Variants in NOTCH4 observed in about 807,000 individuals in gnomAD.
NOTCH4 encodes neurogenic locus notch homolog protein 4.
A neutral mutation model predicts 189.0 loss-of-function variants in NOTCH4; 138 were observed. The ratio of observed to expected loss-of-function variants is 0.73; its 90% CI spans 0.64 to 0.84. NOTCH4 has a LOEUF of 0.84. Among genes scored for constraint, NOTCH4 ranks in the 40% least tolerant of loss-of-function variants. NOTCH4 has a pLI of 0.00. For synonymous variants in NOTCH4, 942 were observed against 1,032.8 expected (o/e 0.91, Z 1.69); for missense variants, 2,286 against 2,605.4 (o/e 0.88, Z 2.67).
chr6:32,202,682 G>T lies in NOTCH4; in HGVS notation c.3232-83C>A. ...ATCAAGCAAACTCTTGGGTTAAGAC[G>T]GTGCAGAGGGTCCTAGATTCTCATA... On this transcript the variant is annotated intron_variant, in intron 20 of 29. Coordinates refer to ENST00000375023, the MANE Select transcript of NOTCH4 (RefSeq NM_004557.4). This position sits in a 1 kb window ranked among gnomAD's most constrained non-coding sequence, Gnocchi z 5.7. 7.7e-7 allele frequency: 1 copy of T among 1,292,676 alleles called. No individual in the cohort carries two copies. Among genetic ancestry groups the T allele is most frequent in the Non-Finnish European group, 1.0e-6 (1 of 970,378 alleles). 80.1% of individuals were successfully genotyped at this position (1,292,676 alleles called of 1,614,324 possible).
chr6:32,213,174 G>A lies in NOTCH4; in HGVS notation c.2399C>T (p.Pro800Leu), dbSNP rs978741176. 2.5e-6 allele frequency: 4 copies of A among 1,613,878 alleles called. No individual in the cohort carries two copies. The highest frequency in any genetic ancestry group is 1.7e-5 in the Admixed American group (1 of 59,986). ...SCLCAMGFQG[P>L]RCEGKLRPSC... ...GGGGCGGAGCTTTCCCTCACAGCGC[G>A]GGCCCTGGAAGCCCATGGCACAGAG... Residue 800 changes from proline to leucine, a missense_variant, in exon 15 of 30, where the codon CCG (proline) becomes CTG (leucine). By Grantham distance (98) the Pro-to-Leu change is moderately conservative. Around this residue, in one of 2 missense-constraint regions of NOTCH4, gnomAD observed 1,903 missense variants for 2,261.9 expected, o/e 0.84. Transcript: ENST00000375023.
intron 18 of NOTCH4, among the ~76,000 whole-genome samples, chr6:32,206,204 G>T (rs1788667911): frequency 6.6e-6 from 1 of 152,118 alleles, no homozygotes; most frequent in Admixed American, 6.5e-5. Context: ...AATACTGGAA[G>T]TCCTGGCCAG....
In NOTCH4 at chr6:32,220,142, G is replaced by T. The variant is rs755950852; in HGVS notation, c.1302C>A (p.Asp434Glu). The change falls in exon 7 of 30, where the codon GAC (aspartate) becomes GAA (glutamate). Residue 434 changes from aspartate to glutamate, a missense_variant. This residue lies in a region of NOTCH4 where 1,903 missense variants were observed against 2,261.9 expected (regional missense o/e 0.84). Transcript: ENST00000375023. ...GAGTGGCCTCACCCATCAGACACTC[G>T]TCCAGGTCCTGGTGGCAGGTGGGCC... ...YSGPTCHQDL[D>E]ECLMAQQGPS... is the part of the protein sequence containing the mutation. The T allele has an allele frequency of 3.1e-6, 5 of 1,613,648 alleles. No homozygotes were observed. In the South Asian group the frequency reaches 5.5e-5, roughly 18 times the overall value.
Position 32,202,457 on chromosome 6 carries a change from C to A in NOTCH4, c.3374G>T (p.Cys1125Phe). The A allele has an allele frequency of 6.2e-7, 1 of 1,612,320 alleles. No individual in the cohort carries two copies. The highest frequency in any genetic ancestry group is 8.5e-7 in the Non-Finnish European group (1 of 1,179,708). The change falls in exon 21 of 30, where the codon TGC becomes TTC. Residue 1125 changes from cysteine (C) to phenylalanine (F), a missense_variant. Cys to Phe is a radical substitution (Grantham distance 205, BLOSUM62 -2). This residue lies in a region of NOTCH4 where 1,903 missense variants were observed against 2,261.9 expected (regional missense o/e 0.84). Transcript: ENST00000375023. The surrounding 1 kb of genome is among the most constrained non-coding windows in gnomAD (Gnocchi z 5.7). The part of the protein sequence containing the change: ...ACLSGYGGPD[C>F]LTPPAPKGCG... ...GCCTTTAGGAGCTGGTGGGGTCAGG[C>A]AGTCAGGACCCCCATAGCCACTGAG...
Position 32,202,833 on chromosome 6 carries a change from A to G in NOTCH4, c.3232-234T>C. On this transcript the variant is annotated intron_variant, in intron 20 of 29. Coordinates refer to ENST00000375023, the MANE Select transcript of NOTCH4 (RefSeq NM_004557.4). This position sits in a 1 kb window ranked among gnomAD's most constrained non-coding sequence, Gnocchi z 5.7. ...AATGGATGAAGCACAGCTGTGTGCA[A>G]CAACCTGATGGACTGTGGCATTACA... 4 of 472,406 alleles carry G rather than the reference A, an allele frequency of 8.5e-6. No homozygotes were observed. Among genetic ancestry groups the G allele is most frequent in the Admixed American group, 3.5e-5 (1 of 28,494 alleles). The allele number at this position is 472,406 out of a possible 1,614,324, so 29.3% of individuals were successfully genotyped here.
Position 32,217,227 on chromosome 6 carries a change from C to T in NOTCH4, c.1664G>A (p.Cys555Tyr). 1 of 1,613,024 alleles carries T rather than the reference C, an allele frequency of 6.2e-7. No individual in the cohort carries two copies. The highest frequency in any genetic ancestry group is 8.5e-7 in the Non-Finnish European group (1 of 1,180,002). The change falls in exon 10 of 30, where the codon TGC becomes TAC. Residue 555 changes from cysteine (C) to tyrosine (Y), a missense_variant. Around this residue, in one of 2 missense-constraint regions of NOTCH4, gnomAD observed 1,903 missense variants for 2,261.9 expected, o/e 0.84. Coordinates refer to ENST00000375023, the MANE Select transcript of NOTCH4 (RefSeq NM_004557.4). This position sits in a 1 kb window ranked among gnomAD's most constrained non-coding sequence, Gnocchi z 4.2. ...GTRCEEDIDE[C>Y]RSSPCANGGQ... ...ACCATTGGCACAGGGAGAGCTTCTG[C>T]ACTCATCGATATCCTCCTCACATCG...
In NOTCH4 at chr6:32,202,633, C is replaced by A. The variant is rs1402323560; in HGVS notation, c.3232-34G>T. On this transcript the variant is annotated intron_variant, in intron 20 of 29. Transcript: ENST00000375023. This position sits in a 1 kb window ranked among gnomAD's most constrained non-coding sequence, Gnocchi z 5.7. ...GGGAGGGGAGATATTGGAGATGCAA[C>A]TTGCATTATTCTTCCCGCTCTCCAT... 5.2e-6 allele frequency: 8 copies of A among 1,536,880 alleles called. No individual in the cohort carries two copies. The highest frequency in any genetic ancestry group is 7.0e-6 in the Non-Finnish European group (8 of 1,138,870).
rs1327641767 is a variant in NOTCH4, at chr6:32,221,484, T to A, written c.452-159A>T. On this transcript the variant is annotated intron_variant, in intron 3 of 29. Transcript: ENST00000375023. The surrounding 1 kb of genome is among the most constrained non-coding windows in gnomAD (Gnocchi z 4.3). The stretch of plus-strand genomic sequence containing the variant: ...TTGCTCTGTTCCATCACCCCTGCTC[T>A]GAGCGATGTCATGGCTTGGGAGGGT... Among the ~76,000 whole-genome samples, 1 of 152,240 alleles carries A rather than the reference T, an allele frequency of 6.6e-6. No homozygotes were observed. The highest frequency in any genetic ancestry group is 1.5e-5 in the Non-Finnish European group (1 of 68,048).
chr6:32,220,860 C>G lies in NOTCH4; in HGVS notation c.818G>C (p.Cys273Ser). 6.2e-7 allele frequency: 1 copy of G among 1,613,934 alleles called. No homozygotes were observed. ...GACACAGTTGTCTGGATTCACCTCA[C>G]AGTCTGGGCCTATGAAACCTGACAG... The part of the protein sequence containing the change: ...LCPPGFIGPD[C>S]EVNPDNCVSH... The change falls in exon 5 of 30, where the codon TGT (cysteine) becomes TCT (serine). Residue 273 changes from cysteine (C) to serine (S), a missense_variant. By Grantham distance (112) the Cys-to-Ser change is moderately radical. This residue lies in a region of NOTCH4 where 1,903 missense variants were observed against 2,261.9 expected (regional missense o/e 0.84). Coordinates refer to ENST00000375023, the MANE Select transcript of NOTCH4 (RefSeq NM_004557.4).
rs145181947 is a variant in NOTCH4, at chr6:32,199,796, G to A, written c.4316-651C>T. ...CTCAGTAGTCTGAAGCAAGAGAATT[G>A]CTTAAACCCAGGAGGCAGAGGTTGC... On this transcript the variant is annotated intron_variant, in intron 23 of 29. Coordinates refer to ENST00000375023, the MANE Select transcript of NOTCH4 (RefSeq NM_004557.4). The surrounding 1 kb of genome is among the most constrained non-coding windows in gnomAD (Gnocchi z 4.9). 2.0e-3 allele frequency among the ~76,000 whole-genome samples: 305 copies of A among 152,298 alleles called. 4 individuals carry two copies. The highest frequency in any genetic ancestry group is 3.4e-4 in the Non-Finnish European group (23 of 68,020).
In NOTCH4 at chr6:32,221,755, C is replaced by G. The variant is rs1042908939; in HGVS notation, c.452-430G>C. ...TTTAGGCACCTGGAGACTCACTTCA[C>G]AGTCCATGTGCACCAGTGGTAATGG... On this transcript the variant is annotated intron_variant, in intron 3 of 29. Coordinates refer to ENST00000375023, the MANE Select transcript of NOTCH4 (RefSeq NM_004557.4). This position sits in a 1 kb window ranked among gnomAD's most constrained non-coding sequence, Gnocchi z 4.3. 6.6e-6 allele frequency among the ~76,000 whole-genome samples: 1 copy of G among 152,164 alleles called. No homozygotes were observed. The highest frequency in any genetic ancestry group is 1.5e-5 in the Non-Finnish European group (1 of 68,032).
Position 32,202,190 on chromosome 6 carries a change from CA to C in NOTCH4, c.3640del (p.Cys1214AlafsTer90). 3 of 1,527,940 alleles carry C rather than the reference CA, an allele frequency of 2.0e-6. No individual in the cohort carries two copies. Among genetic ancestry groups the C allele is most frequent in the Non-Finnish European group, 2.6e-6 (3 of 1,137,614 alleles). The allele number at this position is 1,527,940 out of a possible 1,614,324, so 94.6% of individuals were successfully genotyped here. On this transcript the variant is annotated frameshift_variant, in exon 21 of 30. Coordinates refer to ENST00000375023, the MANE Select transcript of NOTCH4 (RefSeq NM_004557.4). LOFTEE classifies it high-confidence loss of function. The surrounding 1 kb of genome is among the most constrained non-coding windows in gnomAD (Gnocchi z 5.7). ...AAGCCAGCACCGAGAGTGGGAGGGG[CA>C]GCCCTTCCAGGGGTCTGGGACTCCC... ...SLGVPDPWKG[C>X]PSHSRCWLLF...
At position 32,195,630 on chromosome 6, in the gene NOTCH4, C is replaced by T. The variant is rs45458498; in HGVS notation, c.5819G>A (p.Arg1940His). 6.2e-7 allele frequency: 1 copy of T among 1,612,910 alleles called. No homozygotes were observed. The highest frequency in any genetic ancestry group is 8.5e-7 in the Non-Finnish European group (1 of 1,179,912). Residue 1940 changes from arginine (R) to histidine (H), a missense_variant, in exon 30 of 30, where the codon CGC becomes CAC. Arg to His is a conservative substitution (Grantham distance 29). This residue lies in a region of NOTCH4 where 383 missense variants were observed against 343.5 expected (regional missense o/e 1.11). Transcript: ENST00000375023. This position sits in a 1 kb window ranked among gnomAD's most constrained non-coding sequence, Gnocchi z 5.4. ...GTCATCCGTTGAGACCCTGCCTCCG[C>T]GCCCGGCAGCCACTCCGTATCTTCC... ...MRGRYGVAAG[R>H]GGRVSTDDWP... is the part of the protein sequence containing the mutation.
intron 1 of NOTCH4, among the ~76,000 whole-genome samples, chr6:32,223,287 C>T (rs1408673980): frequency 6.6e-6 from 1 of 152,150 alleles, no homozygotes; most frequent in Non-Finnish European, 1.5e-5. Flanking sequence ...ATCCCTACCC[C>T]CCTTTCCTGT....
At position 32,212,517 on chromosome 6, in the gene NOTCH4, G is replaced by A. The variant is rs1429554081; in HGVS notation, c.2637C>T (p.Cys879=). ...TCTGGCAGGAGGACAGTGGAAGGTT[G>A]CAGAGAGGCCCGGTCCATCCCTGGA... ...LCLQGWTGPL[C]NLPLSSCQKA... is the part of the protein sequence containing the mutation. Residue 879 remains cysteine (C), a synonymous_variant, in exon 17 of 30, where the codon TGC becomes TGT. Transcript: ENST00000375023. This position sits in a 1 kb window ranked among gnomAD's most constrained non-coding sequence, Gnocchi z 4.4. 1.2e-6 allele frequency: 2 copies of A among 1,613,110 alleles called. No individual in the cohort carries two copies. The highest frequency in any genetic ancestry group is 1.7e-6 in the Non-Finnish European group (2 of 1,179,958).
Position 32,201,706 on chromosome 6 carries a change from C to T in NOTCH4, c.3756-206G>A. 1 of 442,936 alleles carries T rather than the reference C, an allele frequency of 2.3e-6. No individual in the cohort carries two copies. The highest frequency in any genetic ancestry group is 3.9e-6 in the Non-Finnish European group (1 of 258,866). The allele number at this position is 442,936 out of a possible 1,614,324, so 27.4% of individuals were successfully genotyped here. A position where few individuals can be genotyped will look rare whatever the true frequency, so the allele number is the denominator to read the frequency against. On this transcript the variant is annotated intron_variant, in intron 21 of 29. Transcript: ENST00000375023. The surrounding 1 kb of genome is among the most constrained non-coding windows in gnomAD (Gnocchi z 5.5). The stretch of plus-strand genomic sequence containing the variant: ...CACCCCTGTCTCCCTAGACTGTCCC[C>T]TCTCTGTACCCTCCCAAGCTCTCCT...
rs1788920812 is a variant in NOTCH4, at chr6:32,210,045, CA to C, written c.2865+706del. ...AATCAGGCTGCTTAGACTTGAATGC[CA>C]GCTTTGCCTCTCCTGGCTTAGTGAC... is the stretch of plus-strand genomic sequence containing the variant. On this transcript the variant is annotated intron_variant, in intron 18 of 29. Transcript: ENST00000375023. The surrounding 1 kb of genome is among the most constrained non-coding windows in gnomAD (Gnocchi z 4.8). 6.6e-6 allele frequency among the ~76,000 whole-genome samples: 1 copy of C among 152,112 alleles called. No individual in the cohort carries two copies. The highest frequency in any genetic ancestry group is 2.4e-5 in the African/African-American group (1 of 41,402).
In NOTCH4 at chr6:32,217,234, C is replaced by A; in HGVS notation, c.1657G>T (p.Asp553Tyr). The A allele has an allele frequency of 6.2e-7, 1 of 1,612,978 alleles. No homozygotes were observed. The highest frequency in any genetic ancestry group is 8.5e-7 in the Non-Finnish European group (1 of 1,179,948). ...FSGTRCEEDIDECRSSPCANG... is the reference protein window; with the variant it reads ...FSGTRCEEDIYECRSSPCANG... ...GCACAGGGAGAGCTTCTGCACTCATCGATATCCTCCTCACATCGGGTGCCG... is the reference window on the plus strand; with the variant it reads ...GCACAGGGAGAGCTTCTGCACTCATAGATATCCTCCTCACATCGGGTGCCG... The change falls in exon 10 of 30, where the codon GAT (aspartate) becomes TAT (tyrosine). Residue 553 changes from aspartate (D) to tyrosine (Y), a missense_variant. Physicochemically the swap from Asp to Tyr is radical, Grantham distance 160. This residue lies in a region of NOTCH4 where 1,903 missense variants were observed against 2,261.9 expected (regional missense o/e 0.84). Transcript: ENST00000375023. The surrounding 1 kb of genome is among the most constrained non-coding windows in gnomAD (Gnocchi z 4.2).
At chr6:32,220,931 C>T (rs2127488574) in intron 4 of NOTCH4, 47 bp downstream of exon 4, 1 of 1,598,700 alleles carries the variant, frequency 6.3e-7, no homozygotes, top group Admixed American at 1.7e-5. Context: ...AGACATCCTG[C>T]CCTGCCCAGA....
Sources: gnomAD v4.1 joint callset for allele counts (sites outside exome capture counted in the v4.1 genomes callset) on GRCh38, gnomAD v4.1.1 for gene constraint, gnomAD v4.1.1 regional missense constraint, Gnocchi (gnomAD v3.1) non-coding constraint, MANE v1.5 for transcripts, NCBI Gene and HGNC (gene_info 2026-07-23, HGNC 2026-07-21) for gene names.